Variants in IKZF2 observed in about 807,000 individuals in gnomAD.
The protein encoded by IKZF2 is IKAROS family zinc finger 2.
IKZF2 carries 15 observed loss-of-function variants against 49.2 expected under a neutral mutation model. The ratio of observed to expected loss-of-function variants is 0.30; its 90% CI spans 0.20 to 0.47. The LOEUF (loss-of-function observed/expected upper bound fraction) is 0.47. Among genes scored for constraint, IKZF2 ranks in the 20% least tolerant of loss-of-function variants. The pLI is 1.00. For synonymous variants in IKZF2, 227 were observed against 221.4 expected (o/e 1.03, Z -0.23); for missense variants, 567 against 664.6 (o/e 0.85, Z 1.61).
chr2:213,036,668 T>A (rs1699061317), intron 6 of IKZF2, among the ~76,000 whole-genome samples: 1 of 152,106 alleles, frequency 6.6e-6, no homozygotes, highest in South Asian at 2.1e-4. Context: ...TCTATACAAT[T>A]TAAAAGGACT....
At chr2:213,128,550 C>T (rs1031996710) in intron 4 of IKZF2, among the ~76,000 whole-genome samples, 3 of 152,090 alleles carry the variant, frequency 2.0e-5, no homozygotes, top group African/African-American at 4.8e-5. Flanking sequence ...TTCTACAGGG[C>T]CTCACCCCAA....
At chr2:213,008,570 A>C (rs1695609604) in intron 8 of IKZF2, among the ~76,000 whole-genome samples, 2 of 152,080 alleles carry the variant, frequency 1.3e-5, no homozygotes, top group Admixed American at 6.6e-5. Flanking sequence ...AAAAGCAATA[A>C]AAATTTTGTA....
At chr2:213,128,804 C>CTTTTTTTTTTTTTTTTTTTTTTTTT (rs1184422126) in intron 4 of IKZF2, among the ~76,000 whole-genome samples, 1 of 113,182 alleles carries the variant, frequency 8.8e-6, no homozygotes, top group Non-Finnish European at 1.7e-5. Context: ...ATTTTTTTTT[C>CTTTTTTTTTTTTTTTTTTTTTTTTT]TTTTTTTTTT....
intron 4 of IKZF2, among the ~76,000 whole-genome samples, chr2:213,121,480 A>T (rs565045415): frequency 2.0e-5 from 3 of 152,202 alleles, no homozygotes; most frequent in Non-Finnish European, 4.4e-5. Context: ...TAGTAATTCA[A>T]TGTGGAAGCT....
chr2:213,070,789 C>T (rs1574717592), intron 4 of IKZF2, among the ~76,000 whole-genome samples: 1 of 152,016 alleles, frequency 6.6e-6, no homozygotes, highest in African/African-American at 2.4e-5. Flanking sequence ...GGAGAGTCAA[C>T]GACGGTGTCC....
chr2:213,024,724 C>A (rs1225006544), intron 6 of IKZF2, among the ~76,000 whole-genome samples: 1 of 152,036 alleles, frequency 6.6e-6, no homozygotes, highest in East Asian at 1.9e-4. Flanking sequence ...CCTTACTACT[C>A]CTTTGAAAAT....
At chr2:213,125,814 G>A (rs930493501) in intron 4 of IKZF2, among the ~76,000 whole-genome samples, 9 of 151,610 alleles carry the variant, frequency 5.9e-5, no homozygotes, top group African/African-American at 2.2e-4. Context: ...CAAGAACAAC[G>A]TTGGTATTAA....
chr2:213,081,981 A>G (rs1403726831), intron 4 of IKZF2, among the ~76,000 whole-genome samples: 2 of 152,218 alleles, frequency 1.3e-5, no homozygotes, highest in African/African-American at 4.8e-5. Flanking sequence ...AATAAGAACT[A>G]AACTAGTTAT....
intron 4 of IKZF2, among the ~76,000 whole-genome samples, chr2:213,120,342 T>A (rs1422712150): frequency 6.6e-6 from 1 of 152,224 alleles, no homozygotes; most frequent in African/African-American, 2.4e-5. Context: ...ACACTGGACC[T>A]TTGAAAAGGA....
At position 213,002,267 on chromosome 2, in the gene IKZF2, T is replaced by C. The variant is rs1200570534; in HGVS notation, c.*5093A>G. 1.3e-5 allele frequency: 2 copies of C among 151,516 alleles called. No individual in the cohort carries two copies. The highest frequency in any genetic ancestry group is 6.6e-5 in the Admixed American group (1 of 15,164). 9.4% of individuals were successfully genotyped at this position (151,516 alleles called of 1,614,324 possible). On this transcript the variant is annotated 3_prime_UTR_variant, in exon 9 of 9. Transcript: ENST00000434687. ...CAACACATATTTTATACAGAAAATA[T>C]ACAAATGCAGTGTTATGGGAGGAAA...
intron 5 of IKZF2, among the ~76,000 whole-genome samples, chr2:213,051,846 G>A (rs1008072925): frequency 1.3e-5 from 2 of 151,838 alleles, no homozygotes; most frequent in African/African-American, 2.4e-5. Context: ...TAACAAATTC[G>A]TTAACAATAA....
At chr2:213,041,790 C>A (rs1052721195) in intron 6 of IKZF2, among the ~76,000 whole-genome samples, 4 of 152,042 alleles carry the variant, frequency 2.6e-5, no homozygotes, top group African/African-American at 7.3e-5. Flanking sequence ...CATTAGTAGA[C>A]AAGAAATATT....
At chr2:213,071,949 C>T (rs1702751464) in intron 4 of IKZF2, among the ~76,000 whole-genome samples, 1 of 151,738 alleles carries the variant, frequency 6.6e-6, no homozygotes, top group Non-Finnish European at 1.5e-5. Flanking sequence ...GAATGAAAAC[C>T]TAAAATGAAA....
In IKZF2 at chr2:213,005,766, T is replaced by C. The variant is rs1397403561; in HGVS notation, c.*1594A>G. On this transcript the variant is annotated 3_prime_UTR_variant, in exon 9 of 9. Transcript: ENST00000434687. ...AATGACTTGAATCAATATCACTCGGTTCCTCCCCTCTAATGTGGCTGGACT... is the reference window on the plus strand; with the variant it reads ...AATGACTTGAATCAATATCACTCGGCTCCTCCCCTCTAATGTGGCTGGACT... The C allele has an allele frequency of 6.6e-6, 1 of 152,048 alleles. No individual in the cohort carries two copies. The highest frequency in any genetic ancestry group is 1.5e-5 in the Non-Finnish European group (1 of 67,994). 9.4% of individuals were successfully genotyped at this position (152,048 alleles called of 1,614,324 possible).
intron 1 of IKZF2, 35 bp from the exon 2 acceptor site, chr2:213,150,282 T>C: frequency 1.2e-6 from 1 of 845,522 alleles, no homozygotes. Context: ...AAAGAAGTTT[T>C]TTGTGTTTCC....
Position 213,013,781 on chromosome 2 carries a change from T to C in IKZF2, c.856+10A>G, listed in dbSNP as rs142168795. 128 of 1,603,258 alleles carry C rather than the reference T, an allele frequency of 8.0e-5. No homozygotes were observed. The African/African-American group carries it at 1.4e-3, about 18-fold the overall frequency. On this transcript the variant is annotated intron_variant, in intron 8 of 8. Coordinates refer to ENST00000434687, the MANE Select transcript of IKZF2 (RefSeq NM_001387220.1). ...CCTTGCAAAGAAACAAAAGCATTTG[T>C]AATGCTTACCCACAAACTTTTGTGG...
chr2:213,054,529 A>G (rs932314554), intron 5 of IKZF2, among the ~76,000 whole-genome samples: 2 of 152,168 alleles, frequency 1.3e-5, no homozygotes, highest in Non-Finnish European at 2.9e-5. Flanking sequence ...GGCAGGACAC[A>G]CTCAGATGTA....
At chr2:213,041,819 T>C (rs953540625) in intron 6 of IKZF2, among the ~76,000 whole-genome samples, 4 of 152,184 alleles carry the variant, frequency 2.6e-5, no homozygotes, top group African/African-American at 9.7e-5. Flanking sequence ...GAAGACTCAA[T>C]ATAAACCTTA....
intron 4 of IKZF2, among the ~76,000 whole-genome samples, chr2:213,125,184 GTA>G (rs946960224): frequency 2.0e-5 from 3 of 152,286 alleles, no homozygotes; most frequent in African/African-American, 7.2e-5. Context: ...GTTCTAGAGT[GTA>G]TAACATTTGA....
Sources: allele counts gnomAD v4.1 joint callset (sites outside exome capture counted in the v4.1 genomes callset), GRCh38; gene constraint gnomAD v4.1.1; transcripts MANE v1.5; gene names NCBI Gene and HGNC (gene_info 2026-07-23, HGNC 2026-07-21).